CMSS1: variants seen among roughly 807,000 people sequenced by gnomAD.
CMSS1 encodes the protein cms1 ribosomal small subunit homolog.
CMSS1 carries 33 observed loss-of-function variants against 43.5 expected under a neutral mutation model. That is an observed-to-expected ratio of 0.76 (90% CI 0.57 to 1.01). The LOEUF (loss-of-function observed/expected upper bound fraction) is 1.01, where lower values mean the gene tolerates loss of function less well. Among genes scored for constraint, CMSS1 ranks in the 50% least tolerant of loss-of-function variants. CMSS1 has a pLI of 0.00. For missense variants in CMSS1, 313 were observed against 326.4 expected, an observed-to-expected ratio of 0.96 and a Z score of 0.32; for synonymous variants, 115 against 117.2, an observed-to-expected ratio of 0.98 and a Z score of 0.12.
intron 1 of CMSS1, among the ~76,000 whole-genome samples, chr3:100,009,602 A>G (rs902779315): frequency 2.0e-5 from 3 of 152,218 alleles, no homozygotes; most frequent in South Asian, 2.1e-4. Context: ...TTTCATGAAC[A>G]TCAGTATTCA....
At chr3:100,055,722 AT>A (rs1321687337) in intron 1 of CMSS1, among the ~76,000 whole-genome samples, 1 of 152,134 alleles carries the variant, frequency 6.6e-6, no homozygotes, top group African/African-American at 2.4e-5. Context: ...GAGGAGAGTA[AT>A]TTTTGTGATT....
intron 1 of CMSS1, among the ~76,000 whole-genome samples, chr3:99,960,689 T>TGAGG (rs1456634874): frequency 6.6e-6 from 1 of 152,156 alleles, no homozygotes; most frequent in Non-Finnish European, 1.5e-5. Context: ...GTACTGGGAT[T>TGAGG]GAGGGGAGGA....
intron 1 of CMSS1, chr3:99,930,679 C>T: frequency 7.1e-7 from 1 of 1,399,922 alleles, no homozygotes; most frequent in East Asian, 2.3e-5. Flanking sequence ...GTATGAACCA[C>T]AGATATCTAT....
Position 99,949,118 on chromosome 3 carries a change from G to A in CMSS1, c.64+131075G>A, listed in dbSNP as rs116264660. ...AAATTGGGAGGAATATTTCATAAAT[G>A]TGAAAGCAGGATAAAGTTCCCAAAA... On this transcript the variant is annotated intron_variant, in intron 1 of 9. Coordinates refer to ENST00000421999, the MANE Select transcript of CMSS1 (RefSeq NM_032359.4). Among the ~76,000 whole-genome samples the A allele has an allele frequency of 2.5e-3, 387 of 152,288 alleles. 3 individuals are homozygous for A. The highest frequency in any genetic ancestry group is 8.8e-3 in the African/African-American group (367 of 41,550).
chr3:99,960,613 A>G (rs1342134235), intron 1 of CMSS1, among the ~76,000 whole-genome samples: 1 of 152,076 alleles, frequency 6.6e-6, no homozygotes, highest in African/African-American at 2.4e-5. Context: ...CAGTCTTTTT[A>G]CCTGCTTCCT....
intron 1 of CMSS1, among the ~76,000 whole-genome samples, chr3:100,132,818 C>CAAAAAAAAAAAAAAAAAA (rs537334560): frequency 1.5e-5 from 1 of 66,360 alleles, no homozygotes; most frequent in Non-Finnish European, 3.0e-5. Flanking sequence ...GACTCCATCC[C>CAAAAAAAAAAAAAAAAAA]AAAAAAAAAA....
At chr3:100,103,468 C>T (rs1349875802) in intron 1 of CMSS1, among the ~76,000 whole-genome samples, 2 of 152,156 alleles carry the variant, frequency 1.3e-5, no homozygotes, top group East Asian at 3.9e-4. Flanking sequence ...GGTGTGAGCT[C>T]CTTTGTGTAA....
At chr3:100,050,484 G>GT (rs1383321702) in intron 1 of CMSS1, among the ~76,000 whole-genome samples, 4 of 151,948 alleles carry the variant, frequency 2.6e-5, no homozygotes, top group Non-Finnish European at 5.9e-5. Flanking sequence ...GTCATTTTCT[G>GT]TTTTTTTAGA....
intron 1 of CMSS1, among the ~76,000 whole-genome samples, chr3:99,968,353 A>G (rs1708714863): frequency 6.6e-6 from 1 of 152,124 alleles, no homozygotes. Flanking sequence ...GGATTAAGAT[A>G]AAGGACCTGT....
intron 1 of CMSS1, among the ~76,000 whole-genome samples, chr3:99,847,135 T>C (rs760237793): frequency 2.0e-5 from 3 of 152,168 alleles, no homozygotes; most frequent in Non-Finnish European, 2.9e-5. Context: ...ACATACTGTA[T>C]TTTTTAAATA....
intron 1 of CMSS1, among the ~76,000 whole-genome samples, chr3:100,031,163 G>A (rs951578528): frequency 1.3e-5 from 2 of 152,020 alleles, no homozygotes; most frequent in African/African-American, 4.8e-5. Flanking sequence ...GTACTTAAAT[G>A]TCATATTTAT....
chr3:100,086,515 T>G (rs925341553), intron 1 of CMSS1, among the ~76,000 whole-genome samples: 2 of 152,196 alleles, frequency 1.3e-5, no homozygotes, highest in African/African-American at 4.8e-5. Context: ...TTACAATTTG[T>G]TTTAGCCCTA....
chr3:99,869,543 C>CT (rs1944685296), intron 1 of CMSS1, among the ~76,000 whole-genome samples: 1 of 152,200 alleles, frequency 6.6e-6, no homozygotes, highest in Non-Finnish European at 1.5e-5. Context: ...AATTAACAGA[C>CT]TAACAAGTTA....
intron 1 of CMSS1, among the ~76,000 whole-genome samples, chr3:99,927,016 C>A (rs554358445): frequency 2.0e-5 from 3 of 152,206 alleles, no homozygotes; most frequent in African/African-American, 4.8e-5. Context: ...CCTTCACCAT[C>A]TGAACCTCCT....
At chr3:99,892,328 CT>C (rs1416741562) in intron 1 of CMSS1, among the ~76,000 whole-genome samples, 2 of 152,178 alleles carry the variant, frequency 1.3e-5, no homozygotes, top group East Asian at 3.8e-4. Flanking sequence ...TCACTGAGAA[CT>C]GTCATGAAAA....
chr3:99,846,443 A>G (rs781381655), intron 1 of CMSS1, among the ~76,000 whole-genome samples: 18 of 152,328 alleles, frequency 1.2e-4, no homozygotes, highest in South Asian at 4.1e-4. Context: ...TCTGTTTTGA[A>G]AGAGCTAAAA....
chr3:100,033,698 C>T (rs896594145), intron 1 of CMSS1, among the ~76,000 whole-genome samples: 1 of 152,074 alleles, frequency 6.6e-6, no homozygotes, highest in Non-Finnish European at 1.5e-5. Context: ...GCCTCTTTGA[C>T]AATTCAGAAT....
intron 1 of CMSS1, among the ~76,000 whole-genome samples, chr3:100,117,926 G>A (rs2066590190): frequency 1.4e-5 from 2 of 143,982 alleles, no homozygotes; most frequent in Admixed American, 1.4e-4. Context: ...TTGAAATTCT[G>A]ATACATACTA....
At chr3:100,028,062 G>T (rs1251167989) in intron 1 of CMSS1, among the ~76,000 whole-genome samples, 1 of 152,130 alleles carries the variant, frequency 6.6e-6, no homozygotes, top group Admixed American at 6.5e-5. Context: ...TGGCTATTCT[G>T]GGAATTTAGG....
Sources: allele counts gnomAD v4.1 joint callset (sites outside exome capture counted in the v4.1 genomes callset), GRCh38; gene constraint gnomAD v4.1.1; transcripts MANE v1.5; gene names NCBI Gene and HGNC (gene_info 2026-07-23, HGNC 2026-07-21).